ERC1: variants seen among roughly 807,000 people sequenced by gnomAD.
The protein encoded by ERC1 is RAB6 interacting protein 2.
ERC1 carries 56 observed loss-of-function variants against 132.0 expected under a neutral mutation model. The ratio of observed to expected loss-of-function variants is 0.42; its 90% CI spans 0.34 to 0.53. The LOEUF (loss-of-function observed/expected upper bound fraction) is 0.53, where lower values mean the gene tolerates loss of function less well. Ranked by LOEUF, ERC1 falls within the 20% of genes least tolerant of loss-of-function variation. ERC1 has a pLI of 0.03. For synonymous variants in ERC1, 478 were observed against 476.1 expected (o/e 1.00, Z -0.05); for missense variants, 1,202 against 1,349.9 (o/e 0.89, Z 1.72).
In ERC1 at chr12:1,289,894, C is replaced by T. The variant is rs2079317519; in HGVS notation, c.2662C>T (p.Leu888=). The T allele has an allele frequency of 6.2e-7, 1 of 1,613,804 alleles. No individual in the cohort carries two copies. Among genetic ancestry groups the T allele is most frequent in the Non-Finnish European group, 8.5e-7 (1 of 1,179,762 alleles). ...GGCCATGGAGAAGGTAAAGCAGGAACTAGAATCCATGAAAGCAAAGCTGTC... is the reference window on the plus strand; with the variant it reads ...GGCCATGGAGAAGGTAAAGCAGGAATTAGAATCCATGAAAGCAAAGCTGTC... ...LMAMEKVKQE[L]ESMKAKLSST... The change falls in exon 15 of 19, where the codon CTA becomes TTA. Residue 888 remains leucine (L), a synonymous_variant. Transcript: ENST00000360905.
Position 1,310,209 on chromosome 12 carries a change from T to TTTTTATTTTA in ERC1, c.2780+20222_2780+20231dup, listed in dbSNP as rs71055144. ...CATGTAAAACACTTTAAACAGTTCTTTTTTATTTTATTTTATTTTATTTTA... is the reference window on the plus strand; with the variant it reads ...CATGTAAAACACTTTAAACAGTTCTTTTTTATTTTATTTTATTTTATTTTATTTTATTTTA... On this transcript the variant is annotated intron_variant, in intron 15 of 18. Transcript: ENST00000360905. Among the ~76,000 whole-genome samples the TTTTTATTTTA allele has an allele frequency of 4.0e-3, 605 of 151,312 alleles. 6 individuals carry two copies. Among genetic ancestry groups the TTTTTATTTTA allele is most frequent in the African/African-American group, 0.012 (509 of 41,232 alleles).
chr12:1,208,152 C>T (rs1348831545), intron 12 of ERC1, among the ~76,000 whole-genome samples: 3 of 152,104 alleles, frequency 2.0e-5, no homozygotes, highest in Non-Finnish European at 4.4e-5. Flanking sequence ...TGATTTACTT[C>T]GGGTCATAGC....
chr12:1,270,545 G>A (rs1316213474), intron 14 of ERC1, among the ~76,000 whole-genome samples: 1 of 151,880 alleles, frequency 6.6e-6, no homozygotes, highest in Admixed American at 6.6e-5. Flanking sequence ...ATATTAACAA[G>A]GGGTATCTAA....
intron 14 of ERC1, among the ~76,000 whole-genome samples, chr12:1,272,785 TA>T (rs1183993557): frequency 1.3e-5 from 2 of 151,680 alleles, no homozygotes; most frequent in East Asian, 3.9e-4. Context: ...CCATCTCTAC[TA>T]AAAATACAAA....
chr12:1,126,395 TTAAG>T (rs1948165309), intron 7 of ERC1, among the ~76,000 whole-genome samples: 1 of 152,000 alleles, frequency 6.6e-6, no homozygotes, highest in Non-Finnish European at 1.5e-5. Flanking sequence ...TAGTGCAAAA[TTAAG>T]CAAGTATGAG....
chr12:1,347,835 T>G (rs1297171352), intron 15 of ERC1, among the ~76,000 whole-genome samples: 2 of 151,994 alleles, frequency 1.3e-5, no homozygotes, highest in African/African-American at 4.8e-5. Flanking sequence ...ATACAAAAAT[T>G]AGCCAGGGGT....
chr12:1,042,959 G>C (rs10773923), intron 2 of ERC1, among the ~76,000 whole-genome samples: 145,837 of 152,022 alleles, frequency 0.96, 70,225 homozygotes, highest in East Asian at 1. Flanking sequence ...TGTAATTTTA[G>C]GAGGGTCTAT....
chr12:1,324,141 T>C (rs562028027), intron 15 of ERC1, among the ~76,000 whole-genome samples: 5 of 152,210 alleles, frequency 3.3e-5, no homozygotes, highest in Non-Finnish European at 4.4e-5. Context: ...ATCTGATAAA[T>C]TACAATGAGC....
intron 18 of ERC1, among the ~76,000 whole-genome samples, chr12:1,470,946 CA>C (rs2093848103): frequency 6.6e-6 from 1 of 152,202 alleles, no homozygotes; most frequent in African/African-American, 2.4e-5. Flanking sequence ...CATTTCTATA[CA>C]AGAGATGGTC....
intron 16 of ERC1, among the ~76,000 whole-genome samples, chr12:1,386,432 G>T (rs2089353727): frequency 6.6e-6 from 1 of 151,142 alleles, no homozygotes; most frequent in Non-Finnish European, 1.5e-5. Context: ...CAGATCACTT[G>T]AGGTCAAGAG....
At chr12:1,234,180 C>T (rs1036997427) in intron 12 of ERC1, among the ~76,000 whole-genome samples, 1 of 152,168 alleles carries the variant, frequency 6.6e-6, no homozygotes, top group Non-Finnish European at 1.5e-5. Context: ...AGTTTTCAAC[C>T]TAACGATAGT....
intron 18 of ERC1, among the ~76,000 whole-genome samples, chr12:1,469,529 C>T (rs1242064012): frequency 1.3e-5 from 2 of 152,214 alleles, no homozygotes; most frequent in South Asian, 2.1e-4. Flanking sequence ...GTGTGGGCTT[C>T]GCCTCCCCTC....
chr12:1,490,011 T>C, intron 18 of ERC1, 82 bp from the exon 19 acceptor site: 1 of 1,479,866 alleles, frequency 6.8e-7, no homozygotes, highest in African/African-American at 1.4e-5. Context: ...AGTGCCTTTG[T>C]CATTTATTGA....
At chr12:1,116,064 TG>T (rs1181440172) in intron 7 of ERC1, 31 bp downstream of exon 7, 1 of 1,587,102 alleles carries the variant, frequency 6.3e-7, no homozygotes, top group Non-Finnish European at 8.6e-7. Flanking sequence ...TGTGGGGAGT[TG>T]GTTTCTTGGC....
chr12:1,394,102 T>A (rs7955661), intron 16 of ERC1, among the ~76,000 whole-genome samples: 3 of 149,260 alleles, frequency 2.0e-5, no homozygotes, highest in Admixed American at 6.7e-5. Flanking sequence ...GATCATACTT[T>A]AAAAAAAAAC....
intron 6 of ERC1, among the ~76,000 whole-genome samples, chr12:1,113,343 T>C (rs1946097003): frequency 6.6e-6 from 1 of 152,176 alleles, no homozygotes; most frequent in South Asian, 2.1e-4. Flanking sequence ...CAACTCCAAA[T>C]TATAGACGAG....
At chr12:1,123,957 C>G (rs145683843) in intron 7 of ERC1, among the ~76,000 whole-genome samples, 30 of 152,296 alleles carry the variant, frequency 2.0e-4, no homozygotes, top group African/African-American at 6.5e-4. Flanking sequence ...GATCATACCC[C>G]TGGGTGACAG....
rs1952056872 is a variant in ERC1, at chr12:1,163,376, C to T, written c.1738-17164C>T. Among the ~76,000 whole-genome samples, 3 of 152,054 alleles carry T rather than the reference C, an allele frequency of 2.0e-5. No homozygotes were observed. The South Asian group carries it at 6.2e-4, about 32-fold the overall frequency. On this transcript the variant is annotated intron_variant, in intron 8 of 18. Transcript: ENST00000360905. ...AAAATACTACAAAATAACAAAATAC[C>T]CCCTCATCCCTACATTGTGATAATC... is the stretch of plus-strand genomic sequence containing the variant.
chr12:1,172,060 T>A (rs1016234680), intron 8 of ERC1, among the ~76,000 whole-genome samples: 4 of 152,230 alleles, frequency 2.6e-5, no homozygotes, highest in African/African-American at 9.6e-5. Context: ...AGCCTCTATA[T>A]AAAATAACCA....
Sources: allele counts gnomAD v4.1 joint callset (sites outside exome capture counted in the v4.1 genomes callset), GRCh38; gene constraint gnomAD v4.1.1; transcripts MANE v1.5; gene names NCBI Gene and HGNC (gene_info 2026-07-23, HGNC 2026-07-21).